The following TSC1 variants were observed in gnomAD, a reference collection of about 807,000 sequenced individuals.
TSC1 encodes the protein TSC complex subunit 1, also known as hamartin.
A neutral mutation model predicts 124.3 loss-of-function variants in TSC1; 20 were observed. That is an observed-to-expected ratio of 0.16 (90% CI 0.11 to 0.23). The LOEUF (loss-of-function observed/expected upper bound fraction) is 0.23. TSC1 is among the 10% of genes least tolerant of loss of function. The pLI is 1.00. For missense variants in TSC1, 1,124 were observed against 1,448.5 expected (o/e 0.78, Z 3.64); for synonymous variants, 493 against 539.1 (o/e 0.91, Z 1.19).
Position 132,893,112 on chromosome 9 carries a change from A to C in TSC1, c.*3123T>G, listed in dbSNP as rs935635163. 2 of 233,190 alleles carry C rather than the reference A, an allele frequency of 8.6e-6. No individual in the cohort carries two copies. The highest frequency in any genetic ancestry group is 4.4e-5 in the African/African-American group (2 of 45,342). The allele number at this position is 233,190 out of a possible 1,614,324, so 14.4% of individuals were successfully genotyped here. A position where few individuals can be genotyped will look rare whatever the true frequency, so the allele number is the denominator to read the frequency against. On this transcript the variant is annotated 3_prime_UTR_variant, in exon 23 of 23. Coordinates refer to ENST00000298552, the MANE Select transcript of TSC1 (RefSeq NM_000368.5). ...CATGTCACATAAGCTTTGGCTCACA[A>C]AGTAGCTCACCTCTCGCCTCTCCAC... is the stretch of plus-strand genomic sequence containing the variant.
chr9:132,944,501 G>A (rs544751562), intron 1 of TSC1, 42 bp downstream of exon 1: 4 of 398,416 alleles, frequency 1.0e-5, no homozygotes, highest in African/African-American at 6.2e-5. Context: ...GCTGCCCCAG[G>A]AAGCCCCCAT....
At chr9:132,919,699 G>A (rs1228842627) in intron 8 of TSC1, among the ~76,000 whole-genome samples, 1 of 152,232 alleles carries the variant, frequency 6.6e-6, no homozygotes, top group Non-Finnish European at 1.5e-5. Flanking sequence ...ATCCTGCACA[G>A]GAGAGAGGCG....
intron 4 of TSC1, chr9:132,926,727 T>G: frequency 5.4e-6 from 1 of 184,954 alleles, no homozygotes; most frequent in Non-Finnish European, 1.1e-5. Context: ...TGCCCTGGAG[T>G]GCAATGGTGC....
Position 132,903,618 on chromosome 9 carries a change from G to T in TSC1, c.2208+33C>A. 1.2e-6 allele frequency: 2 copies of T among 1,611,746 alleles called. No homozygotes were observed. The highest frequency in any genetic ancestry group is 1.3e-5 in the African/African-American group (1 of 74,976). On this transcript the variant is annotated intron_variant, in intron 17 of 22. Transcript: ENST00000298552. This position sits in a 1 kb window ranked among gnomAD's most constrained non-coding sequence, Gnocchi z 5.9. ...ATGCTGACCCAAAACAAAACAAAAA[G>T]CAAGCTCCACCTGTCCCCTCCCCAG...
intron 2 of TSC1, among the ~76,000 whole-genome samples, chr9:132,934,173 C>G (rs1406295044): frequency 6.6e-6 from 1 of 152,120 alleles, no homozygotes; most frequent in East Asian, 1.9e-4. Flanking sequence ...ACAGAGCTGT[C>G]CATGTACAAA....
At chr9:132,924,847 G>A (rs1588353870) in intron 5 of TSC1, 1 of 152,232 alleles carries the variant, frequency 6.6e-6, no homozygotes, top group East Asian at 1.9e-4. Flanking sequence ...ACCCTTCTTG[G>A]CAGACACAAA....
chr9:132,927,379 C>T, intron 3 of TSC1, 75 bp from the exon 4 acceptor site: 2 of 1,370,060 alleles, frequency 1.5e-6, no homozygotes, highest in Non-Finnish European at 2.1e-6. Flanking sequence ...AGCTTCCTGT[C>T]ACAAAATCCA....
chr9:132,942,286 C>T (rs1847778266), intron 1 of TSC1: 1 of 152,232 alleles, frequency 6.6e-6, no homozygotes, highest in South Asian at 2.1e-4. Flanking sequence ...CTCCGGTGCA[C>T]ATAAGAATCA....
rs1268903483 is a variant in TSC1, at chr9:132,896,222, T to C, written c.*13A>G. 8 of 1,614,226 alleles carry C rather than the reference T, an allele frequency of 5.0e-6. No individual in the cohort carries two copies. Among genetic ancestry groups the C allele is most frequent in the Non-Finnish European group, 6.8e-6 (8 of 1,180,038 alleles). On this transcript the variant is annotated 3_prime_UTR_variant, in exon 23 of 23. Transcript: ENST00000298552. The surrounding 1 kb of genome is among the most constrained non-coding windows in gnomAD (Gnocchi z 4.5). Reference sequence around the variant, plus strand: ...CAACAATATGCAAGTTAACACTGATTGACCATCATTCCTTAGCTGTGTTCA... The same window carrying C: ...CAACAATATGCAAGTTAACACTGATCGACCATCATTCCTTAGCTGTGTTCA...
At position 132,921,500 on chromosome 9, in the gene TSC1, A is replaced by T; in HGVS notation, c.664-64T>A. ...GTTTGTGGAACATCCAAATGATGGA[A>T]TATTAGTTGACAATTAAAAGGAATG... is the stretch of plus-strand genomic sequence containing the variant. On this transcript the variant is annotated intron_variant, in intron 7 of 22. Transcript: ENST00000298552. The surrounding 1 kb of genome is among the most constrained non-coding windows in gnomAD (Gnocchi z 4.3). 6.4e-7 allele frequency: 1 copy of T among 1,560,732 alleles called. No homozygotes were observed. Among genetic ancestry groups the T allele is most frequent in the East Asian group, 2.2e-5 (1 of 44,558 alleles).
intron 11 of TSC1, 26 bp from the exon 12 acceptor site, chr9:132,910,718 T>G: frequency 6.2e-7 from 1 of 1,612,668 alleles, no homozygotes; most frequent in Non-Finnish European, 8.5e-7. Flanking sequence ...AGAACATATA[T>G]GAACACTGAG....
chr9:132,906,223 C>T lies in TSC1; in HGVS notation c.1439-84G>A. 7.0e-7 allele frequency: 1 copy of T among 1,434,838 alleles called. No homozygotes were observed. Among genetic ancestry groups the T allele is most frequent in the Admixed American group, 1.9e-5 (1 of 52,036 alleles). The allele number at this position is 1,434,838 out of a possible 1,614,324, so 88.9% of individuals were successfully genotyped here. The stretch of plus-strand genomic sequence containing the variant: ...AGGCAGTTTGGGTGGCATGCTGCCA[C>T]ATGCCAGTGTCACTCAGAGAGAGGA... On this transcript the variant is annotated intron_variant, in intron 14 of 22. Coordinates refer to ENST00000298552, the MANE Select transcript of TSC1 (RefSeq NM_000368.5). This position sits in a 1 kb window ranked among gnomAD's most constrained non-coding sequence, Gnocchi z 4.1.
chr9:132,915,763 G>A (rs1029026165), intron 8 of TSC1, among the ~76,000 whole-genome samples: 3 of 152,174 alleles, frequency 2.0e-5, no homozygotes, highest in African/African-American at 7.2e-5. Context: ...CTTAGATGCT[G>A]AAAACACGGT....
At position 132,921,387 on chromosome 9, in the gene TSC1, T is replaced by C. The variant is rs2132134825; in HGVS notation, c.713A>G (p.Lys238Arg). Residue 238 changes from lysine (K) to arginine (R), a missense_variant, in exon 8 of 23, where the codon AAG becomes AGG. This residue lies in a region of TSC1 where 463 missense variants were observed against 606.8 expected (regional missense o/e 0.76). Coordinates refer to ENST00000298552, the MANE Select transcript of TSC1 (RefSeq NM_000368.5). This position sits in a 1 kb window ranked among gnomAD's most constrained non-coding sequence, Gnocchi z 4.3. ...RIHPELVTGSKDHELDPRRWK... is the reference protein window; with the variant it reads ...RIHPELVTGSRDHELDPRRWK... Reference sequence around the variant, plus strand: ...CCTTCGAGGGTCCAGTTCATGGTCCTTGGATCCAGTCACTAATTCCGGATG... The same window carrying C: ...CCTTCGAGGGTCCAGTTCATGGTCCCTGGATCCAGTCACTAATTCCGGATG... 1 of 1,614,170 alleles carries C rather than the reference T, an allele frequency of 6.2e-7. No individual in the cohort carries two copies. Among genetic ancestry groups the C allele is most frequent in the Non-Finnish European group, 8.5e-7 (1 of 1,180,010 alleles).
At chr9:132,898,032 T>C (rs1376709853) in intron 20 of TSC1, among the ~76,000 whole-genome samples, 1 of 152,238 alleles carries the variant, frequency 6.6e-6, no homozygotes, top group East Asian at 1.9e-4. Context: ...CAATCAACTA[T>C]GCGAACATAT....
At chr9:132,934,349 A>T (rs1588374092) in intron 2 of TSC1, 1 of 152,208 alleles carries the variant, frequency 6.6e-6, no homozygotes, top group South Asian at 2.1e-4. Flanking sequence ...TTTATGAAGG[A>T]TATATTCTGA....
chr9:132,938,979 T>A (rs1301522149), intron 1 of TSC1: 1 of 152,230 alleles, frequency 6.6e-6, no homozygotes, highest in Non-Finnish European at 1.5e-5. Context: ...ATGTACTGCA[T>A]GTGTAAATGA....
intron 1 of TSC1, among the ~76,000 whole-genome samples, chr9:132,936,284 G>A (rs547410443): frequency 9.9e-5 from 15 of 151,970 alleles, no homozygotes; most frequent in African/African-American, 2.7e-4. Flanking sequence ...CCGACTAATC[G>A]GTTTCTTTTA....
chr9:132,939,882 T>C (rs4419933), intron 1 of TSC1, among the ~76,000 whole-genome samples: 106,290 of 152,036 alleles, frequency 0.7, 37,201 homozygotes, highest in South Asian at 0.76. Context: ...GGCCTTTCAC[T>C]AGATCTCGGA....
Sources: gnomAD v4.1 joint callset for allele counts (sites outside exome capture counted in the v4.1 genomes callset) on GRCh38, gnomAD v4.1.1 for gene constraint, gnomAD v4.1.1 regional missense constraint, Gnocchi (gnomAD v3.1) non-coding constraint, MANE v1.5 for transcripts, NCBI Gene and HGNC (gene_info 2026-07-23, HGNC 2026-07-21) for gene names.